LPXN: variants seen among roughly 807,000 people sequenced by gnomAD.
The protein encoded by LPXN is leupaxin.
A neutral mutation model predicts 45.6 loss-of-function variants in LPXN; 28 were observed. The observed-to-expected ratio is 0.61, with a 90% CI of 0.45 to 0.84. The LOEUF is 0.84. Among genes scored for constraint, LPXN ranks in the 40% least tolerant of loss-of-function variants. The pLI is 0.00. For missense variants in LPXN, 459 were observed against 475.0 expected (o/e 0.97, Z 0.31); for synonymous variants, 166 against 169.9 (o/e 0.98, Z 0.18).
At chr11:58,543,017 C>G (rs75210294) in intron 7 of LPXN, among the ~76,000 whole-genome samples, 8,181 of 152,146 alleles carry the variant, frequency 0.054, 303 homozygotes, top group Non-Finnish European at 0.082. Context: ...CCTGAGATAC[C>G]CAAATGGCTT....
chr11:58,555,192 T>C (rs1854167054), intron 3 of LPXN, among the ~76,000 whole-genome samples: 2 of 152,198 alleles, frequency 1.3e-5, no homozygotes, highest in South Asian at 2.1e-4. Context: ...TGTCAGTTTT[T>C]GTCAAAAAAT....
chr11:58,547,687 T>G (rs1388735027), intron 7 of LPXN, among the ~76,000 whole-genome samples: 1 of 152,072 alleles, frequency 6.6e-6, no homozygotes, highest in Admixed American at 6.6e-5. Flanking sequence ...AGAGAGGGAG[T>G]GGCTGTCACT....
At chr11:58,548,173 A>C (rs990892850) in intron 7 of LPXN, among the ~76,000 whole-genome samples, 18 of 152,214 alleles carry the variant, frequency 1.2e-4, no homozygotes, top group Non-Finnish European at 2.4e-4. Context: ...TGACAGAATA[A>C]AAATATTTTC....
At chr11:58,566,402 TCA>T (rs1201841696) in intron 2 of LPXN, among the ~76,000 whole-genome samples, 1 of 152,152 alleles carries the variant, frequency 6.6e-6, no homozygotes, top group Admixed American at 6.5e-5. Context: ...CTACCTTCAT[TCA>T]AAGCACTTTT....
At chr11:58,537,114 G>A (rs1205207746) in intron 7 of LPXN, among the ~76,000 whole-genome samples, 1 of 152,174 alleles carries the variant, frequency 6.6e-6, no homozygotes. Flanking sequence ...GATTCCTCAA[G>A]GATCTAGAAC....
intron 7 of LPXN, among the ~76,000 whole-genome samples, chr11:58,542,185 T>C (rs1476522917): frequency 1.3e-5 from 2 of 151,526 alleles, no homozygotes; most frequent in East Asian, 1.9e-4. Context: ...AAACTTAAAG[T>C]ATAATAATAA....
At position 58,559,789 on chromosome 11, in the gene LPXN, T is replaced by C. The variant is rs373952337; in HGVS notation, c.218+4366A>G. Among the ~76,000 whole-genome samples, 81 of 152,044 alleles carry C rather than the reference T, an allele frequency of 5.3e-4. 1 individual carries two copies. In the South Asian group the frequency reaches 0.017, roughly 31 times the overall value. ...TACTTGGGAGGCTGAGATGAGAAAATAACTTGAGCCCAGGAGGTCAAGGCT... is the reference window on the plus strand; with the variant it reads ...TACTTGGGAGGCTGAGATGAGAAAACAACTTGAGCCCAGGAGGTCAAGGCT... On this transcript the variant is annotated intron_variant, in intron 3 of 8. Transcript: ENST00000395074.
At chr11:58,540,037 A>G (rs1399793516) in intron 7 of LPXN, among the ~76,000 whole-genome samples, 2 of 152,196 alleles carry the variant, frequency 1.3e-5, no homozygotes, top group African/African-American at 2.4e-5. Context: ...TGATTCAACA[A>G]GAAGTATACT....
intron 1 of LPXN, 60 bp downstream of exon 1, chr11:58,575,700 C>G: frequency 6.3e-7 from 1 of 1,591,206 alleles, no homozygotes; most frequent in South Asian, 1.1e-5. Flanking sequence ...CCCCACCACA[C>G]AAGGAGATGG....
chr11:58,542,360 T>C (rs1853754130), intron 7 of LPXN, among the ~76,000 whole-genome samples: 1 of 152,010 alleles, frequency 6.6e-6, no homozygotes, highest in South Asian at 2.1e-4. Context: ...CTGGAAGATA[T>C]ATGGAATGAT....
rs138864221 is a variant in LPXN at position 58,569,944 on chromosome 11, A to C, written c.171+612T>G. ...TGCAACAGGCATCTCTGATGCCCCC[A>C]CAGTAACATCAGAATATCCCCAGTG... is the stretch of plus-strand genomic sequence containing the variant. On this transcript the variant is annotated intron_variant, in intron 2 of 8. Coordinates refer to ENST00000395074, the MANE Select transcript of LPXN (RefSeq NM_004811.3). Among the ~76,000 whole-genome samples the C allele has an allele frequency of 1.0e-3, 155 of 152,114 alleles. 1 individual carries two copies. In the East Asian group the frequency reaches 0.022, roughly 21 times the overall value.
At chr11:58,538,757 CAATAA>C (rs1423040847) in intron 7 of LPXN, among the ~76,000 whole-genome samples, 2 of 151,332 alleles carry the variant, frequency 1.3e-5, no homozygotes, top group Admixed American at 6.6e-5. Flanking sequence ...TTAAAATATA[CAATAA>C]AATAATACAA....
chr11:58,574,573 C>T (rs570119927), intron 1 of LPXN, among the ~76,000 whole-genome samples: 1 of 151,020 alleles, frequency 6.6e-6, no homozygotes, highest in South Asian at 2.1e-4. Context: ...CCATCCCCCC[C>T]AAAAAAAAGA....
Position 58,549,887 on chromosome 11 carries a change from A to C in LPXN, c.661-20T>G. 1 of 1,614,036 alleles carries C rather than the reference A, an allele frequency of 6.2e-7. No individual in the cohort carries two copies. The highest frequency in any genetic ancestry group is 8.5e-7 in the Non-Finnish European group (1 of 1,179,876). Reference sequence around the variant, plus strand: ...CACTTTCTGGAAAGGGAACACACAGATATTATAATGATGCAGAAGTTGTAA... The same window carrying C: ...CACTTTCTGGAAAGGGAACACACAGCTATTATAATGATGCAGAAGTTGTAA... On this transcript the variant is annotated intron_variant, in intron 6 of 8. Transcript: ENST00000395074.
Position 58,550,100 on chromosome 11 carries a change from C to G in LPXN, c.533G>C (p.Cys178Ser). The change falls in exon 6 of 9, where the codon TGT becomes TCT. Residue 178 changes from cysteine (C) to serine (S), a missense_variant. Coordinates refer to ENST00000395074, the MANE Select transcript of LPXN (RefSeq NM_004811.3). ...GQSWHPEHFV[C>S]THCKEEIGSS... ...GCCAATCTCTTCTTTGCAATGAGTA[C>G]AGACAAAATGCTCAGGATGCCATGA... 1 of 1,614,160 alleles carries G rather than the reference C, an allele frequency of 6.2e-7. No individual in the cohort carries two copies. Among genetic ancestry groups the G allele is most frequent in the Non-Finnish European group, 8.5e-7 (1 of 1,180,010 alleles).
chr11:58,538,547 GT>G (rs1240844718), intron 7 of LPXN, among the ~76,000 whole-genome samples: 1 of 151,976 alleles, frequency 6.6e-6, no homozygotes, highest in African/African-American at 2.4e-5. Flanking sequence ...TTTTTCATGT[GT>G]TTTTTGGCTG....
At chr11:58,528,687 T>A (rs1342834507) in intron 7 of LPXN, among the ~76,000 whole-genome samples, 2 of 152,228 alleles carry the variant, frequency 1.3e-5, no homozygotes, top group Non-Finnish European at 2.9e-5. Flanking sequence ...GTCACCATTA[T>A]ATCTCTAATA....
In LPXN at chr11:58,570,535, C is replaced by G. The variant is rs138679158; in HGVS notation, c.171+21G>C. 4.2e-5 allele frequency: 67 copies of G among 1,591,370 alleles called. No homozygotes were observed. The African/African-American group carries it at 7.8e-4, about 18-fold the overall frequency. ...GCACTCAAACATCCATGTTTAAGGA[C>G]TATAATAAATGAAAATTTACCGGCA... On this transcript the variant is annotated intron_variant, in intron 2 of 8. Transcript: ENST00000395074.
At chr11:58,558,196 T>A (rs1304092768) in intron 3 of LPXN, among the ~76,000 whole-genome samples, 1 of 150,316 alleles carries the variant, frequency 6.7e-6, no homozygotes, top group African/African-American at 2.4e-5. Context: ...AGATTTGTCT[T>A]GATAGATGTG....
Sources: allele counts gnomAD v4.1 joint callset (sites outside exome capture counted in the v4.1 genomes callset), GRCh38; gene constraint gnomAD v4.1.1; transcripts MANE v1.5; gene names NCBI Gene and HGNC (gene_info 2026-07-23, HGNC 2026-07-21).